The following SAMSN1 variants were observed in gnomAD, a reference collection of about 807,000 sequenced individuals.
The protein encoded by SAMSN1 is SAM domain, SH3 domain and nuclear localization signals 1.
In SAMSN1, 31 loss-of-function variants were observed where a neutral mutation model predicts 42.0. That is an observed-to-expected ratio of 0.74 (90% CI 0.55 to 1.00). SAMSN1 has a LOEUF of 1.00. Among genes scored for constraint, SAMSN1 ranks in the 50% least tolerant of loss-of-function variants. The pLI is 0.00. For synonymous variants in SAMSN1, 178 were observed against 151.9 expected (o/e 1.17, Z -1.26); for missense variants, 464 against 439.4 (o/e 1.06, Z -0.50).
intron 7 of SAMSN1, among the ~76,000 whole-genome samples, chr21:14,489,028 C>T (rs900360392): frequency 2.0e-5 from 3 of 152,160 alleles, no homozygotes; most frequent in Non-Finnish European, 4.4e-5. Flanking sequence ...CAGGGATTGG[C>T]ACAAACCTAG....
chr21:14,599,928 A>G (rs777702784), intron 6 of SAMSN1, among the ~76,000 whole-genome samples: 4 of 152,078 alleles, frequency 2.6e-5, no homozygotes, highest in Non-Finnish European at 4.4e-5. Context: ...TAAGACACTC[A>G]CCAACTCTCT....
chr21:14,573,725 A>T (rs538031174), intron 2 of SAMSN1, among the ~76,000 whole-genome samples: 27 of 152,286 alleles, frequency 1.8e-4, no homozygotes, highest in Admixed American at 2.0e-4. Context: ...ACTATTGAAG[A>T]CAGCAAGGAT....
intron 7 of SAMSN1, among the ~76,000 whole-genome samples, chr21:14,497,184 G>A (rs988677078): frequency 8.5e-5 from 13 of 152,290 alleles, no homozygotes; most frequent in East Asian, 7.7e-4. Context: ...AAATGAGGGC[G>A]GTAGTGTCTA....
intron 5 of SAMSN1, among the ~76,000 whole-genome samples, chr21:14,506,941 A>G (rs1987438959): frequency 6.6e-6 from 1 of 152,218 alleles, no homozygotes; most frequent in South Asian, 2.1e-4. Context: ...AAAAACAAAA[A>G]TCACATGATC....
At chr21:14,645,621 A>G (rs559784491) in intron 1 of SAMSN1, among the ~76,000 whole-genome samples, 2 of 152,346 alleles carry the variant, frequency 1.3e-5, no homozygotes, top group East Asian at 3.9e-4. Flanking sequence ...AACATCTACT[A>G]GCATCAACAC....
At chr21:14,600,644 G>A (rs1027839562) in intron 6 of SAMSN1, among the ~76,000 whole-genome samples, 5 of 152,212 alleles carry the variant, frequency 3.3e-5, no homozygotes, top group Middle Eastern at 3.4e-3. Flanking sequence ...TCCACGAAAC[G>A]GGTCTATTTT....
intron 1 of SAMSN1, among the ~76,000 whole-genome samples, chr21:14,652,356 T>C (rs2123397702): frequency 6.6e-6 from 1 of 151,892 alleles, no homozygotes; most frequent in African/African-American, 2.4e-5. Flanking sequence ...CAGACCAATG[T>C]AAAAAATAGA....
At chr21:14,612,695 G>A (rs1459243913) in intron 4 of SAMSN1, 2 of 652,556 alleles carry the variant, frequency 3.1e-6, no homozygotes, top group Non-Finnish European at 2.9e-6. Context: ...TGATTTCTTT[G>A]TCATAGCCAT....
chr21:14,656,899 T>A (rs1983925641), intron 1 of SAMSN1, among the ~76,000 whole-genome samples: 1 of 151,864 alleles, frequency 6.6e-6, no homozygotes, highest in Admixed American at 6.6e-5. Context: ...AAGGTCAGTG[T>A]TTTTACATAT....
intron 7 of SAMSN1, among the ~76,000 whole-genome samples, chr21:14,593,515 G>C (rs1315625164): frequency 1.3e-5 from 2 of 152,030 alleles, no homozygotes; most frequent in East Asian, 3.9e-4. Context: ...AATATCATAA[G>C]GGAGAGCTGG....
chr21:14,621,847 C>T (rs903305967), intron 2 of SAMSN1, among the ~76,000 whole-genome samples: 5 of 152,272 alleles, frequency 3.3e-5, no homozygotes, highest in South Asian at 2.1e-4. Flanking sequence ...CCCTGACCCT[C>T]GAGTAGCCTA....
At chr21:14,555,626 C>T (rs1053685225) in intron 2 of SAMSN1, among the ~76,000 whole-genome samples, 1 of 152,190 alleles carries the variant, frequency 6.6e-6, no homozygotes, top group Non-Finnish European at 1.5e-5. Context: ...AGTGATTGTG[C>T]TCTCTCCACA....
intron 4 of SAMSN1, chr21:14,612,539 C>T (rs1982734453): frequency 1.4e-5 from 6 of 442,050 alleles, no homozygotes; most frequent in Non-Finnish European, 2.7e-5. Context: ...CTCCTAGATT[C>T]ACAGATCTAA....
Position 14,562,777 on chromosome 21 carries a change from A to G in SAMSN1, c.261+19359T>C, listed in dbSNP as rs138977410. On this transcript the variant is annotated intron_variant, in intron 2 of 8. Coordinates refer to the SAMSN1 transcript ENST00000285670. ...CTACTCCAATGCAAGCAAAAATCCT[A>G]AGAAGCATTCTCCAAGTAAGATCAA... 5.1e-4 allele frequency among the ~76,000 whole-genome samples: 77 copies of G among 152,180 alleles called. 1 individual carries two copies. In the East Asian group the frequency reaches 0.014, roughly 27 times the overall value.
At chr21:14,544,662 T>A (rs1002065725) in intron 1 of SAMSN1, among the ~76,000 whole-genome samples, 1 of 152,144 alleles carries the variant, frequency 6.6e-6, no homozygotes, top group African/African-American at 2.4e-5. Context: ...TTTTCAAAAT[T>A]TTTTTTATTT....
intron 1 of SAMSN1, among the ~76,000 whole-genome samples, chr21:14,539,100 A>G (rs1472302675): frequency 6.6e-6 from 1 of 152,198 alleles, no homozygotes; most frequent in Non-Finnish European, 1.5e-5. Context: ...TTCTACCTTT[A>G]GGTAACAATG....
intron 5 of SAMSN1, among the ~76,000 whole-genome samples, chr21:14,501,462 T>C (rs4817229): frequency 0.28 from 42,607 of 152,086 alleles, 8,511 homozygotes; most frequent in African/African-American, 0.57. Context: ...GAACTCAAGT[T>C]CAAGTTATCT....
At chr21:14,487,432 C>T (rs184544212) in intron 7 of SAMSN1, among the ~76,000 whole-genome samples, 1 of 151,990 alleles carries the variant, frequency 6.6e-6, no homozygotes, top group Non-Finnish European at 1.5e-5. Context: ...CACTGTGTGT[C>T]CAATTGCCAT....
Position 14,563,696 on chromosome 21 carries a change from C to T in SAMSN1, c.261+18440G>A, listed in dbSNP as rs558237557. 2.6e-5 allele frequency among the ~76,000 whole-genome samples: 4 copies of T among 152,252 alleles called. No homozygotes were observed. The South Asian group carries it at 6.2e-4, about 24-fold the overall frequency. ...AAAAACAACAGTGGTTCCTATACTT[C>T]GTGATTCATACAAAGTTATATTTTA... is the stretch of plus-strand genomic sequence containing the variant. On this transcript the variant is annotated intron_variant, in intron 2 of 8. Coordinates refer to the SAMSN1 transcript ENST00000285670.
Sources: allele counts gnomAD v4.1 joint callset (sites outside exome capture counted in the v4.1 genomes callset), GRCh38; gene constraint gnomAD v4.1.1; transcripts MANE v1.5; gene names NCBI Gene and HGNC (gene_info 2026-07-23, HGNC 2026-07-21).